Variants in NRXN3 observed in about 807,000 individuals in gnomAD.
The protein encoded by NRXN3 is neurexin 3, also known as neurexin III.
NRXN3 carries 32 observed loss-of-function variants against 137.6 expected under a neutral mutation model. The ratio of observed to expected loss-of-function variants is 0.23; its 90% CI spans 0.18 to 0.31. NRXN3 has a LOEUF of 0.31. Among genes scored for constraint, NRXN3 ranks in the 10% least tolerant of loss-of-function variants. The pLI is 1.00. For missense variants in NRXN3, 1,574 were observed against 2,062.5 expected (o/e 0.76, Z 4.59); for synonymous variants, 798 against 784.5 (o/e 1.02, Z -0.29).
intron 16 of NRXN3, among the ~76,000 whole-genome samples, chr14:79,588,170 T>A (rs754633558): frequency 1.3e-5 from 2 of 152,206 alleles, no homozygotes; most frequent in African/African-American, 2.4e-5. Flanking sequence ...GGAGTCAGTA[T>A]GTAATGTGCC....
At chr14:78,689,507 A>AT (rs2098151529) in intron 6 of NRXN3, among the ~76,000 whole-genome samples, 1 of 152,314 alleles carries the variant, frequency 6.6e-6, no homozygotes, top group Non-Finnish European at 1.5e-5. Context: ...CCTAGGAAAG[A>AT]TACAAGAGTT....
chr14:79,098,978 G>A (rs770869727), intron 15 of NRXN3, among the ~76,000 whole-genome samples: 25 of 152,058 alleles, frequency 1.6e-4, no homozygotes, highest in Non-Finnish European at 2.6e-4. Flanking sequence ...TTAATCAATC[G>A]ATTGCACAGG....
intron 6 of NRXN3, among the ~76,000 whole-genome samples, chr14:78,688,952 T>A (rs1429480714): frequency 1.3e-5 from 2 of 151,790 alleles, no homozygotes; most frequent in Non-Finnish European, 2.9e-5. Flanking sequence ...TTGCAAGAGG[T>A]TTTTCTTCAC....
At chr14:78,522,716 A>G (rs922071781) in intron 4 of NRXN3, among the ~76,000 whole-genome samples, 2 of 152,088 alleles carry the variant, frequency 1.3e-5, no homozygotes, top group African/African-American at 2.4e-5. Flanking sequence ...GTCCACAGCT[A>G]TTTATTTTTA....
intron 8 of NRXN3, among the ~76,000 whole-genome samples, chr14:78,751,165 C>T (rs2098639847): frequency 6.6e-6 from 1 of 152,250 alleles, no homozygotes; most frequent in Non-Finnish European, 1.5e-5. Context: ...CACAGTTAAT[C>T]TCTGCATTAT....
chr14:78,226,690 A>G (rs2064717634), intron 1 of NRXN3, among the ~76,000 whole-genome samples: 1 of 152,236 alleles, frequency 6.6e-6, no homozygotes, highest in Non-Finnish European at 1.5e-5. Context: ...AGCCATGCTG[A>G]TAGAATAATT....
intron 20 of NRXN3, among the ~76,000 whole-genome samples, chr14:79,818,084 C>G (rs1436390360): frequency 8.8e-6 from 1 of 113,090 alleles, no homozygotes; most frequent in East Asian, 3.0e-4. Flanking sequence ...GAGACGGAGT[C>G]TCGCTGTCAC....
intron 4 of NRXN3, among the ~76,000 whole-genome samples, chr14:78,346,574 A>G (rs1006926785): frequency 6.6e-6 from 1 of 152,178 alleles, no homozygotes; most frequent in African/African-American, 2.4e-5. Context: ...TTACATTCAC[A>G]CAGAGAACAC....
intron 15 of NRXN3, among the ~76,000 whole-genome samples, chr14:79,232,621 T>C (rs1477921873): frequency 6.6e-6 from 1 of 152,128 alleles, no homozygotes; most frequent in Non-Finnish European, 1.5e-5. Context: ...TTGGAGAAAT[T>C]CCTTAGATTT....
At chr14:78,639,932 T>C (rs150063828) in intron 4 of NRXN3, among the ~76,000 whole-genome samples, 214 of 152,332 alleles carry the variant, frequency 1.4e-3, no homozygotes, top group African/African-American at 4.9e-3. Context: ...CCATGACACG[T>C]CCAGATGCAT....
At chr14:78,323,750 G>A (rs17107347) in intron 4 of NRXN3, among the ~76,000 whole-genome samples, 6,136 of 151,948 alleles carry the variant, frequency 0.04, 451 homozygotes, top group East Asian at 0.32. Flanking sequence ...ATAAAGATAA[G>A]GTGCATAGGT....
intron 15 of NRXN3, among the ~76,000 whole-genome samples, chr14:79,368,087 C>T (rs1207538596): frequency 6.6e-6 from 1 of 152,172 alleles, no homozygotes; most frequent in Admixed American, 6.5e-5. Context: ...TGGGGCTTTA[C>T]ATGATACTGA....
intron 4 of NRXN3, among the ~76,000 whole-genome samples, chr14:78,390,808 A>G (rs2090649047): frequency 6.6e-6 from 1 of 152,202 alleles, no homozygotes; most frequent in South Asian, 2.1e-4. Context: ...GTTCCACGAT[A>G]CATGTGCAGG....
rs535963140 is a variant in NRXN3, at chr14:79,706,477, A to G, written c.4014+8540A>G. ...AAAGGGCTTGTAGGGTGGTGCCTGC[A>G]TAAACTGGCCATAAAAATATGGGAC... On this transcript the variant is annotated intron_variant, in intron 19 of 20. Transcript: ENST00000335750. Among the ~76,000 whole-genome samples, 11 of 137,796 alleles carry G rather than the reference A, an allele frequency of 8.0e-5. No individual in the cohort carries two copies. The South Asian group carries it at 2.3e-3, about 28-fold the overall frequency. The allele number at this position is 137,796 out of a possible 152,430, so 90.4% of individuals were successfully genotyped here. A position where few individuals can be genotyped will look rare whatever the true frequency, so the allele number is the denominator to read the frequency against.
intron 8 of NRXN3, among the ~76,000 whole-genome samples, chr14:78,798,571 G>A (rs2098829254): frequency 6.6e-6 from 1 of 152,182 alleles, no homozygotes. Context: ...GGAGGACAGT[G>A]GCCTTCTTCT....
chr14:78,564,524 C>T (rs573790042), intron 4 of NRXN3, among the ~76,000 whole-genome samples: 1 of 152,342 alleles, frequency 6.6e-6, no homozygotes, highest in East Asian at 1.9e-4. Context: ...GCTTACTCCT[C>T]ACCTATGGGA....
intron 15 of NRXN3, among the ~76,000 whole-genome samples, chr14:79,385,194 A>G (rs987449660): frequency 2.6e-4 from 31 of 120,962 alleles, no homozygotes; most frequent in Non-Finnish European, 5.1e-4. Context: ...ATATCTCCCA[A>G]TGCTATCCTT....
At chr14:78,963,862 C>G (rs1393006500) in intron 11 of NRXN3, among the ~76,000 whole-genome samples, 2 of 152,086 alleles carry the variant, frequency 1.3e-5, no homozygotes, top group East Asian at 1.9e-4. Flanking sequence ...AACTCCTGGG[C>G]TCCAGTGATC....
At chr14:78,613,223 T>C (rs2097314968) in intron 4 of NRXN3, among the ~76,000 whole-genome samples, 1 of 152,226 alleles carries the variant, frequency 6.6e-6, no homozygotes, top group African/African-American at 2.4e-5. Flanking sequence ...CTGTATGATA[T>C]AAAGATAACT....
Sources: gnomAD v4.1 joint callset for allele counts (sites outside exome capture counted in the v4.1 genomes callset) on GRCh38, gnomAD v4.1.1 for gene constraint, MANE v1.5 for transcripts, NCBI Gene and HGNC (gene_info 2026-07-23, HGNC 2026-07-21) for gene names.